ZFYVE9: variants seen among roughly 807,000 people sequenced by gnomAD.
ZFYVE9 encodes the protein zinc finger FYVE domain-containing protein 9.
A neutral mutation model predicts 126.7 loss-of-function variants in ZFYVE9; 43 were observed. The observed-to-expected ratio is 0.34, with a 90% CI of 0.27 to 0.44. The LOEUF (loss-of-function observed/expected upper bound fraction) is 0.44. Ranked by LOEUF, ZFYVE9 falls within the 20% of genes least tolerant of loss-of-function variation. The pLI, the probability that ZFYVE9 is intolerant of heterozygous loss-of-function variation, is 1.00. For synonymous variants in ZFYVE9, 521 were observed against 597.4 expected (o/e 0.87, Z 1.87); for missense variants, 1,476 against 1,697.0 (o/e 0.87, Z 2.29).
At chr1:52,323,422 T>A (rs1646260048) in intron 13 of ZFYVE9, among the ~76,000 whole-genome samples, 1 of 152,188 alleles carries the variant, frequency 6.6e-6, no homozygotes, top group Admixed American at 6.5e-5. Flanking sequence ...TGTCTCCTCC[T>A]CCTACACACA....
intron 1 of ZFYVE9, among the ~76,000 whole-genome samples, chr1:52,193,429 G>A (rs1217470351): frequency 3.3e-5 from 5 of 150,614 alleles, no homozygotes; most frequent in Non-Finnish European, 5.9e-5. Context: ...ACACATGGCC[G>A]GGTGTGGTGG....
intron 1 of ZFYVE9, among the ~76,000 whole-genome samples, chr1:52,186,239 CAA>C (rs1196121611): frequency 2.4e-5 from 2 of 85,080 alleles, no homozygotes; most frequent in Non-Finnish European, 2.5e-5. Context: ...GACTCTGTCT[CAA>C]AAAAAAAAAA....
At chr1:52,276,969 C>T (rs929775375) in intron 8 of ZFYVE9, among the ~76,000 whole-genome samples, 1 of 152,200 alleles carries the variant, frequency 6.6e-6, no homozygotes, top group Non-Finnish European at 1.5e-5. Context: ...ATTGTACTCT[C>T]AAATGCAGCT....
chr1:52,292,423 G>A (rs1403431389), intron 10 of ZFYVE9, among the ~76,000 whole-genome samples: 2 of 150,024 alleles, frequency 1.3e-5, no homozygotes, highest in African/African-American at 2.5e-5. Flanking sequence ...TGTTCACCCA[G>A]TGAAATTATA....
At chr1:52,269,301 T>C (rs760394756) in intron 7 of ZFYVE9, among the ~76,000 whole-genome samples, 1 of 151,958 alleles carries the variant, frequency 6.6e-6, no homozygotes, top group South Asian at 2.1e-4. Context: ...GGCTAATTTT[T>C]GTATTTTTAG....
intron 4 of ZFYVE9, among the ~76,000 whole-genome samples, chr1:52,253,387 T>C (rs562457094): frequency 6.6e-6 from 1 of 152,316 alleles, no homozygotes; most frequent in East Asian, 1.9e-4. Flanking sequence ...ATTTACTAGA[T>C]ACTAAGAGGT....
intron 1 of ZFYVE9, among the ~76,000 whole-genome samples, chr1:52,152,874 A>C (rs1306722832): frequency 6.6e-6 from 1 of 152,234 alleles, no homozygotes; most frequent in Non-Finnish European, 1.5e-5. Context: ...ATGTAGTAGC[A>C]CAAGAGGTTT....
intron 13 of ZFYVE9, among the ~76,000 whole-genome samples, chr1:52,331,108 G>A (rs1646337152): frequency 6.6e-6 from 1 of 151,890 alleles, no homozygotes; most frequent in South Asian, 2.1e-4. Context: ...ACCTCAAGTG[G>A]TTCACCCACC....
At position 52,210,341 on chromosome 1, in the gene ZFYVE9, G is replaced by A. The variant is rs148941980; in HGVS notation, c.-142-6028G>A. On this transcript the variant is annotated intron_variant, in intron 1 of 18. Coordinates refer to ENST00000287727, the MANE Select transcript of ZFYVE9 (RefSeq NM_004799.4). ...TGGAGGAAAACTTTGATAAGCTACT[G>A]TAGATGGAGTAAAACCCCTCTCTTA... is the stretch of plus-strand genomic sequence containing the variant. Among the ~76,000 whole-genome samples the A allele has an allele frequency of 2.5e-3, 375 of 152,282 alleles. 3 individuals carry two copies. Among genetic ancestry groups the A allele is most frequent in the African/African-American group, 8.7e-3 (362 of 41,556 alleles).
intron 8 of ZFYVE9, among the ~76,000 whole-genome samples, chr1:52,277,082 T>C (rs964831340): frequency 6.6e-6 from 1 of 152,244 alleles, no homozygotes; most frequent in Non-Finnish European, 1.5e-5. Flanking sequence ...AAATATCTAC[T>C]GTTAGTAAAA....
intron 8 of ZFYVE9, among the ~76,000 whole-genome samples, chr1:52,277,497 A>G (rs1645759431): frequency 6.6e-6 from 1 of 152,118 alleles, no homozygotes; most frequent in Non-Finnish European, 1.5e-5. Context: ...TTCCAGTGGG[A>G]TGACTTTACT....
chr1:52,184,196 A>ATTATATATATATATTTATATATATAGAT (rs1557444012), intron 1 of ZFYVE9, among the ~76,000 whole-genome samples: 1 of 144,342 alleles, frequency 6.9e-6, no homozygotes, highest in Non-Finnish European at 1.5e-5. Context: ...GACAAGTGTC[A>ATTATATATATATATTTATATATATAGAT]TTATATATAT....
chr1:52,234,360 C>T (rs758378110), intron 3 of ZFYVE9, among the ~76,000 whole-genome samples: 20 of 152,200 alleles, frequency 1.3e-4, no homozygotes, highest in Admixed American at 5.2e-4. Flanking sequence ...ATTTGGGAGG[C>T]AAAGGAGGGA....
chr1:52,277,303 A>G lies in ZFYVE9; in HGVS notation c.2747-1189A>G, dbSNP rs147285195. On this transcript the variant is annotated intron_variant, in intron 8 of 18. Transcript: ENST00000287727. Reference sequence around the variant, plus strand: ...TTTTTATTTTAATAAATCTTAGATTAACAGGGAACTAAATTGGCCTACTCT... The same window carrying G: ...TTTTTATTTTAATAAATCTTAGATTGACAGGGAACTAAATTGGCCTACTCT... 2.5e-3 allele frequency among the ~76,000 whole-genome samples: 376 copies of G among 152,310 alleles called. 13 individuals are homozygous for G. In the South Asian group the frequency reaches 0.043, roughly 17 times the overall value.
Position 52,238,618 on chromosome 1 carries a change from A to G in ZFYVE9, c.1201A>G (p.Asn401Asp), listed in dbSNP as rs550767835. 2.3e-5 allele frequency: 37 copies of G among 1,614,074 alleles called. No individual in the cohort carries two copies. In the East Asian group the frequency reaches 5.1e-4, roughly 22 times the overall value. ...TTTCTCTGAATCTCAGGACATGACT[A>G]ATTGGAAGTTGACTAAACTAAATGA... ...EHFSESQDMT[N>D]WKLTKLNEMN... The change falls in exon 4 of 19, where the codon AAT becomes GAT. Residue 401 changes from asparagine to aspartate, a missense_variant. Transcript: ENST00000287727.
rs182074658 is a variant in ZFYVE9 at position 52,157,127 on chromosome 1, C to T, written c.-143+14724C>T. Among the ~76,000 whole-genome samples, 148 of 152,212 alleles carry T rather than the reference C, an allele frequency of 9.7e-4. 1 individual carries two copies. The highest frequency in any genetic ancestry group is 6.8e-3 in the Middle Eastern group (2 of 294). ...GATTACAGGCGTGAGCCACCGCACCCGGCCTCCTTCCCCACTTTATAGTTG... is the reference window on the plus strand; with the variant it reads ...GATTACAGGCGTGAGCCACCGCACCTGGCCTCCTTCCCCACTTTATAGTTG... On this transcript the variant is annotated intron_variant, in intron 1 of 18. Transcript: ENST00000287727.
chr1:52,197,074 G>T (rs547227184), intron 1 of ZFYVE9, among the ~76,000 whole-genome samples: 2 of 152,244 alleles, frequency 1.3e-5, no homozygotes, highest in East Asian at 3.9e-4. Context: ...GAATGGATTG[G>T]AGGAGGAGGA....
chr1:52,254,496 T>A (rs1351890678), intron 4 of ZFYVE9, among the ~76,000 whole-genome samples: 1 of 151,306 alleles, frequency 6.6e-6, no homozygotes. Flanking sequence ...TCAAGAGCAG[T>A]GTGGGCAACA....
At chr1:52,288,925 CAAA>C (rs775138803) in intron 10 of ZFYVE9, among the ~76,000 whole-genome samples, 4 of 62,058 alleles carry the variant, frequency 6.4e-5, no homozygotes, top group Middle Eastern at 7.6e-3. Context: ...GACTCTGTCT[CAAA>C]AAAAAAAAAA....
Sources: allele counts gnomAD v4.1 joint callset (sites outside exome capture counted in the v4.1 genomes callset), GRCh38; gene constraint gnomAD v4.1.1; transcripts MANE v1.5; gene names NCBI Gene and HGNC (gene_info 2026-07-23, HGNC 2026-07-21).